Variants in RAVER2 observed in about 807,000 individuals in gnomAD.
RAVER2 encodes ribonucleoprotein, PTB binding 2.
In RAVER2, 46 loss-of-function variants were observed where a neutral mutation model predicts 78.1. The ratio of observed to expected loss-of-function variants is 0.59; its 90% CI spans 0.46 to 0.75. The LOEUF is 0.75. Among genes scored for constraint, RAVER2 ranks in the 30% least tolerant of loss-of-function variants. The probability of loss-of-function intolerance (pLI) is 0.00; values close to 1 mark genes in which losing one functional copy is unlikely to be tolerated. For synonymous variants in RAVER2, 311 were observed against 313.3 expected, an observed-to-expected ratio of 0.99 and a Z score of 0.08; for missense variants, 793 against 837.5, an observed-to-expected ratio of 0.95 and a Z score of 0.66.
chr1:64,803,616 T>C (rs1204153855), intron 6 of RAVER2, among the ~76,000 whole-genome samples: 1 of 152,140 alleles, frequency 6.6e-6, no homozygotes, highest in Non-Finnish European at 1.5e-5. Flanking sequence ...TCAAACAATA[T>C]ATAATCGAAT....
intron 5 of RAVER2, among the ~76,000 whole-genome samples, chr1:64,793,555 A>T (rs561060803): frequency 6.6e-6 from 1 of 152,352 alleles, no homozygotes; most frequent in East Asian, 1.9e-4. Flanking sequence ...AACTATTTTT[A>T]AACAGCTTTA....
chr1:64,790,243 A>G (rs1652898969), intron 5 of RAVER2, among the ~76,000 whole-genome samples: 1 of 139,512 alleles, frequency 7.2e-6, no homozygotes, highest in South Asian at 2.2e-4. Context: ...TAAACTACTT[A>G]TAGGTTTTAA....
intron 3 of RAVER2, 144 bp downstream of exon 3, chr1:64,778,236 C>A: frequency 1.4e-6 from 1 of 704,454 alleles, no homozygotes; most frequent in Non-Finnish European, 2.2e-6. Flanking sequence ...AGACTTTGAT[C>A]TCATGGGAAA....
At chr1:64,762,439 G>A (rs560729573) in intron 1 of RAVER2, among the ~76,000 whole-genome samples, 10 of 149,772 alleles carry the variant, frequency 6.7e-5, no homozygotes, top group African/African-American at 2.5e-4. Flanking sequence ...AGAAATGCAA[G>A]TGACCTGGAA....
intron 1 of RAVER2, among the ~76,000 whole-genome samples, chr1:64,747,305 C>T (rs1445400170): frequency 6.6e-6 from 1 of 152,094 alleles, no homozygotes; most frequent in Non-Finnish European, 1.5e-5. Flanking sequence ...TTACTGTCAA[C>T]TTACTGATGA....
At chr1:64,812,761 A>G in exon 10 of RAVER2, 1 of 1,611,754 alleles carries the variant, frequency 6.2e-7, no homozygotes, top group South Asian at 1.1e-5. Flanking sequence ...ATCAAACTTC[A>G]CTCTTGGGAG....
intron 1 of RAVER2, among the ~76,000 whole-genome samples, chr1:64,747,933 A>G (rs1156509137): frequency 6.6e-6 from 1 of 152,118 alleles, no homozygotes; most frequent in East Asian, 1.9e-4. Context: ...TAGAAACCCA[A>G]TAATTTTTTC....
At chr1:64,781,928 G>A (rs990970259) in intron 4 of RAVER2, among the ~76,000 whole-genome samples, 4 of 151,700 alleles carry the variant, frequency 2.6e-5, no homozygotes, top group African/African-American at 9.7e-5. Flanking sequence ...TTTTGAAATG[G>A]AGTTTCACTC....
chr1:64,766,505 T>C (rs1652179792), intron 1 of RAVER2, among the ~76,000 whole-genome samples: 1 of 151,696 alleles, frequency 6.6e-6, no homozygotes. Flanking sequence ...GTTTCGCAGT[T>C]GGCAAACTCT....
chr1:64,784,877 C>T (rs1419145689), intron 4 of RAVER2, among the ~76,000 whole-genome samples: 1 of 152,174 alleles, frequency 6.6e-6, no homozygotes, highest in Non-Finnish European at 1.5e-5. Context: ...TCCTTGGGAC[C>T]TTGTCAGCAT....
At chr1:64,812,253 T>C (rs1385407187) in intron 9 of RAVER2, among the ~76,000 whole-genome samples, 1 of 149,714 alleles carries the variant, frequency 6.7e-6, no homozygotes, top group Non-Finnish European at 1.5e-5. Flanking sequence ...TCCCAGCTAC[T>C]CAGGAGGCGG....
intron 5 of RAVER2, among the ~76,000 whole-genome samples, chr1:64,801,658 A>C (rs2100869727): frequency 6.6e-6 from 1 of 151,906 alleles, no homozygotes; most frequent in South Asian, 2.1e-4. Flanking sequence ...TCTCAAGGTC[A>C]GGAGTTCAAG....
intron 3 of RAVER2, among the ~76,000 whole-genome samples, chr1:64,780,582 A>G (rs1177338974): frequency 6.6e-6 from 1 of 152,232 alleles, no homozygotes; most frequent in Non-Finnish European, 1.5e-5. Context: ...TCTCAAAGAT[A>G]TACTAAGCTG....
At chr1:64,765,214 T>G (rs1652141905) in intron 1 of RAVER2, among the ~76,000 whole-genome samples, 1 of 152,200 alleles carries the variant, frequency 6.6e-6, no homozygotes. Context: ...CTCATAAAGT[T>G]GATCATATGC....
At chr1:64,758,938 G>A (rs1033052634) in intron 1 of RAVER2, among the ~76,000 whole-genome samples, 1 of 149,564 alleles carries the variant, frequency 6.7e-6, no homozygotes, top group African/African-American at 2.5e-5. Context: ...TTTAAATATT[G>A]GAGGAGAGAT....
At chr1:64,818,543 C>A (rs1368753521) in intron 11 of RAVER2, among the ~76,000 whole-genome samples, 1 of 152,018 alleles carries the variant, frequency 6.6e-6, no homozygotes, top group African/African-American at 2.4e-5. Flanking sequence ...CTCAAAAGAA[C>A]AACAAAACAA....
At chr1:64,788,178 A>G (rs1652834913) in intron 4 of RAVER2, among the ~76,000 whole-genome samples, 1 of 152,176 alleles carries the variant, frequency 6.6e-6, no homozygotes, top group Admixed American at 6.5e-5. Context: ...CCTTTATAAA[A>G]AAGAAGATTT....
chr1:64,787,789 C>T (rs1652823279), intron 4 of RAVER2, among the ~76,000 whole-genome samples: 1 of 152,186 alleles, frequency 6.6e-6, no homozygotes, highest in Admixed American at 6.5e-5. Flanking sequence ...AGTTACACAA[C>T]TCAAAAGTCC....
At chr1:64,807,514 G>A (rs1475196995) in intron 9 of RAVER2, 40 bp downstream of exon 9, 60 of 1,517,546 alleles carry the variant, frequency 4.0e-5, no homozygotes, top group Non-Finnish European at 5.0e-5. Flanking sequence ...ATATATACAT[G>A]TATATGTATA....
Sources: gnomAD v4.1 joint callset for allele counts (sites outside exome capture counted in the v4.1 genomes callset) on GRCh38, gnomAD v4.1.1 for gene constraint, MANE v1.5 for transcripts, NCBI Gene and HGNC (gene_info 2026-07-23, HGNC 2026-07-21) for gene names.